GSDMC: variants seen among roughly 807,000 people sequenced by gnomAD.
GSDMC encodes the protein gasdermin C.
In GSDMC, 59 loss-of-function variants were observed where a neutral mutation model predicts 58.0. The ratio of observed to expected loss-of-function variants is 1.02; its 90% CI spans 0.82 to 1.26. GSDMC has a LOEUF of 1.26. Ranked by LOEUF, GSDMC falls within the 50% of genes most tolerant of loss-of-function variation. GSDMC has a pLI of 0.00. For missense variants in GSDMC, 659 were observed against 598.5 expected (o/e 1.10, Z -1.06); for synonymous variants, 241 against 220.2 (o/e 1.09, Z -0.83).
At chr8:129,758,582 T>C (rs1195412533) in intron 6 of GSDMC, among the ~76,000 whole-genome samples, 1 of 152,040 alleles carries the variant, frequency 6.6e-6, no homozygotes, top group East Asian at 1.9e-4. Flanking sequence ...CAGTGAACAC[T>C]CTAAAATAGA....
At chr8:129,766,849 C>G (rs1461598197) in intron 3 of GSDMC, among the ~76,000 whole-genome samples, 1 of 151,960 alleles carries the variant, frequency 6.6e-6, no homozygotes, top group Non-Finnish European at 1.5e-5. Context: ...AAAGCGCATC[C>G]TAGGAGGTCC....
rs571794467 is a variant in GSDMC at position 129,749,473 on chromosome 8, G to A, written c.1266C>T (p.Ile422=). 2 of 1,613,598 alleles carry A rather than the reference G, an allele frequency of 1.2e-6. No individual in the cohort carries two copies. Among genetic ancestry groups the A allele is most frequent in the Non-Finnish European group, 1.7e-6 (2 of 1,179,562 alleles). The change falls in exon 13 of 14, where the codon ATC becomes ATT. Residue 422 remains isoleucine, a synonymous_variant. Coordinates refer to ENST00000276708, the MANE Select transcript of GSDMC (RefSeq NM_031415.3). ...DLLACSMEKR[I]LLQQQELVRS... ...TCACCAGCTCCTGTTGCTGAAGCAGGATCCTCTTCTCCATGGAACAGGCCA... is the reference window on the plus strand; with the variant it reads ...TCACCAGCTCCTGTTGCTGAAGCAGAATCCTCTTCTCCATGGAACAGGCCA...
downstream of GSDMC, among the ~76,000 whole-genome samples, chr8:129,743,827 C>T (rs1159359582): frequency 2.6e-5 from 4 of 152,168 alleles, no homozygotes; most frequent in Admixed American, 6.6e-5. Flanking sequence ...CATGATCCTT[C>T]TGGGACTTCT....
the GSDMC span, among the ~76,000 whole-genome samples, chr8:129,741,767 A>C: frequency 4.4e-4 from 67 of 152,118 alleles, no homozygotes; most frequent in Non-Finnish European, 7.7e-4. Flanking sequence ...CATATGATTC[A>C]ACAATCCCAC....
At chr8:129,706,466 T>C in the GSDMC span, 65,107 of 152,120 alleles carry the variant, frequency 0.43, 18,700 homozygotes, top group African/African-American at 0.79. Context: ...GCAGTGAAAA[T>C]ATCGCCGAGC....
At position 129,750,041 on chromosome 8, in the gene GSDMC, C is replaced by A; in HGVS notation, c.1162G>T (p.Ala388Ser). 1 of 1,611,396 alleles carries A rather than the reference C, an allele frequency of 6.2e-7. No individual in the cohort carries two copies. The highest frequency in any genetic ancestry group is 8.5e-7 in the Non-Finnish European group (1 of 1,178,650). ...ATGGGGTCCTTTGGGTTAAACCATG[C>A]ATGGTTTGAATCCTGTTGAAGTTTC... is the stretch of plus-strand genomic sequence containing the variant. ...LKKLQQDSNH[A>S]WFNPKDPILY... The change falls in exon 12 of 14, where the codon GCA becomes TCA. Residue 388 changes from alanine (A) to serine (S), a missense_variant. Physicochemically the swap from Ala to Ser is moderately conservative, Grantham distance 99. Coordinates refer to ENST00000276708, the MANE Select transcript of GSDMC (RefSeq NM_031415.3).
At chr8:129,756,340 G>A (rs1252599375) in intron 6 of GSDMC, among the ~76,000 whole-genome samples, 1 of 151,990 alleles carries the variant, frequency 6.6e-6, no homozygotes, top group African/African-American at 2.4e-5. Flanking sequence ...ACTCAACACT[G>A]CAGTACCCAG....
rs755653442 is a variant in GSDMC, at chr8:129,777,506, A to G, written c.82T>C (p.Leu28=). 7.4e-6 allele frequency: 12 copies of G among 1,613,188 alleles called. No individual in the cohort carries two copies. Among genetic ancestry groups the G allele is most frequent in the African/African-American group, 4.0e-5 (3 of 74,916 alleles). The change falls in exon 2 of 14, where the codon TTG becomes CTG. Residue 28 remains leucine, a synonymous_variant. Coordinates refer to ENST00000276708, the MANE Select transcript of GSDMC (RefSeq NM_031415.3). ...SKDLTPVKYL[L]SATKLRQFVI... ...AACTGACGTAATTTGGTGGCACTCA[A>G]TAGGTATTTGACAGGTGTCAGGTCT...
chr8:129,749,009 A>G (rs933503701), intron 13 of GSDMC, among the ~76,000 whole-genome samples: 1 of 152,200 alleles, frequency 6.6e-6, no homozygotes, highest in African/African-American at 2.4e-5. Context: ...GTATATGCAT[A>G]TATGTATGTA....
rs771002121 is a variant in GSDMC at position 129,777,568 on chromosome 8, C to G, written c.20G>C (p.Arg7Pro). ...CTCTTTGACCAAATTTTTGCTAATG[C>G]GTTCCAACATGGAGGGCATGTTGCT... MPSMLE[R>P]ISKNLVKEIG... is the part of the protein sequence containing the mutation. Residue 7 changes from arginine to proline, a missense_variant, in exon 2 of 14, where the codon CGC becomes CCC. Arg to Pro is a moderately radical substitution (Grantham distance 103, BLOSUM62 -2). Coordinates refer to ENST00000276708, the MANE Select transcript of GSDMC (RefSeq NM_031415.3). 1.9e-6 allele frequency: 3 copies of G among 1,602,780 alleles called. No homozygotes were observed. In the Admixed American group the frequency reaches 5.0e-5, roughly 27 times the overall value.
At chr8:129,720,374 A>G in the GSDMC span, among the ~76,000 whole-genome samples, 1 of 152,202 alleles carries the variant, frequency 6.6e-6, no homozygotes, top group African/African-American at 2.4e-5. Context: ...GGATGTATCA[A>G]AAAGTTTCTT....
At chr8:129,741,010 GA>G in the GSDMC span, among the ~76,000 whole-genome samples, 42 of 152,040 alleles carry the variant, frequency 2.8e-4, no homozygotes, top group African/African-American at 9.6e-4. Flanking sequence ...GTTTTGAATT[GA>G]TTTTTTTTTA....
intron 3 of GSDMC, 33 bp from the exon 4 acceptor site, chr8:129,765,826 A>T (rs1307452316): frequency 6.3e-7 from 1 of 1,588,686 alleles, no homozygotes; most frequent in African/African-American, 1.3e-5. Flanking sequence ...CAAGAGTCAG[A>T]GTGGGAAAGT....
chr8:129,777,616 T>A, intron 1 of GSDMC, 25 bp from the exon 2 acceptor site: 2 of 1,241,444 alleles, frequency 1.6e-6, no homozygotes, highest in South Asian at 1.2e-5. Context: ...AAGGAGAGCA[T>A]CAGTTGGGAG....
chr8:129,723,487 C>T, the GSDMC span, among the ~76,000 whole-genome samples: 1 of 142,994 alleles, frequency 7.0e-6, no homozygotes, highest in Non-Finnish European at 1.5e-5. Flanking sequence ...AGATTGGTCT[C>T]GAACTCCTGA....
intron 6 of GSDMC, among the ~76,000 whole-genome samples, chr8:129,758,210 G>T (rs186716448): frequency 1.1e-3 from 162 of 152,222 alleles, no homozygotes; most frequent in East Asian, 6.6e-3. Flanking sequence ...ATAGAAGAAA[G>T]ATACCTCAAC....
At chr8:129,742,054 T>G in the GSDMC span, among the ~76,000 whole-genome samples, 2 of 151,660 alleles carry the variant, frequency 1.3e-5, no homozygotes, top group South Asian at 2.1e-4. Flanking sequence ...GGAAAAATAC[T>G]GCATAATCTC....
At chr8:129,749,096 CA>C (rs1167698391) in intron 13 of GSDMC, among the ~76,000 whole-genome samples, 84 of 152,230 alleles carry the variant, frequency 5.5e-4, no homozygotes, top group African/African-American at 2.0e-3. Context: ...ATTAGCAAAT[CA>C]TAACAGTGTA....
chr8:129,754,064 T>A (rs376547076), intron 6 of GSDMC, among the ~76,000 whole-genome samples: 2 of 152,348 alleles, frequency 1.3e-5, no homozygotes, highest in East Asian at 1.9e-4. Flanking sequence ...ACCCAAGGCC[T>A]GGGAAAACTC....
Sources: allele counts gnomAD v4.1 joint callset (sites outside exome capture counted in the v4.1 genomes callset), GRCh38; gene constraint gnomAD v4.1.1; transcripts MANE v1.5; gene names NCBI Gene and HGNC (gene_info 2026-07-23, HGNC 2026-07-21).